The following SCGN variants were observed in gnomAD, a reference collection of about 807,000 sequenced individuals.
SCGN encodes secretagogin.
SCGN carries 30 observed loss-of-function variants against 39.7 expected under a neutral mutation model. That is an observed-to-expected ratio of 0.76 (90% CI 0.57 to 1.03). SCGN has a LOEUF of 1.03. SCGN is among the 50% of genes least tolerant of loss of function. The pLI is 0.00. For synonymous variants in SCGN, 106 were observed against 114.1 expected (o/e 0.93, Z 0.45); for missense variants, 353 against 349.4 (o/e 1.01, Z -0.08).
At chr6:25,653,098 A>C (rs1760162002) in intron 1 of SCGN, among the ~76,000 whole-genome samples, 1 of 152,288 alleles carries the variant, frequency 6.6e-6, no homozygotes, top group Non-Finnish European at 1.5e-5. Context: ...GTTAAATTTT[A>C]TTGGAAAGTT....
intron 10 of SCGN, among the ~76,000 whole-genome samples, chr6:25,692,043 C>A (rs947523380): frequency 6.6e-5 from 10 of 152,162 alleles, no homozygotes; most frequent in Non-Finnish European, 8.8e-5. Context: ...AGACATCGTC[C>A]GTGATTCCTT....
chr6:25,654,499 A>G (rs1170232670), intron 2 of SCGN, among the ~76,000 whole-genome samples: 1 of 151,584 alleles, frequency 6.6e-6, no homozygotes, highest in Non-Finnish European at 1.5e-5. Context: ...TCTGTGTTTC[A>G]TGGCTCTCAT....
chr6:25,694,046 A>G (rs1175844339), intron 10 of SCGN, among the ~76,000 whole-genome samples: 8 of 152,244 alleles, frequency 5.3e-5, no homozygotes, highest in African/African-American at 1.9e-4. Flanking sequence ...GTAATAAATT[A>G]TTACTAAAAA....
At chr6:25,684,338 G>C (rs878895000) in intron 7 of SCGN, among the ~76,000 whole-genome samples, 1 of 152,100 alleles carries the variant, frequency 6.6e-6, no homozygotes, top group Admixed American at 6.5e-5. Context: ...ATCCTCTGGG[G>C]ATTGGTTCCA....
At chr6:25,667,419 C>G (rs1358029317) in intron 4 of SCGN, among the ~76,000 whole-genome samples, 4 of 152,278 alleles carry the variant, frequency 2.6e-5, no homozygotes, top group South Asian at 2.1e-4. Flanking sequence ...CCATTACAGT[C>G]TACATATTTG....
chr6:25,690,954 C>T (rs943515870), intron 9 of SCGN, 102 bp from the exon 10 acceptor site: 37 of 784,162 alleles, frequency 4.7e-5, no homozygotes, highest in Admixed American at 9.5e-5. Context: ...AATCTATTTG[C>T]GGCCACACAA....
Position 25,688,384 on chromosome 6 carries a change from T to C in SCGN, c.528-788T>C, listed in dbSNP as rs145719876. Among the ~76,000 whole-genome samples, 316 of 152,350 alleles carry C rather than the reference T, an allele frequency of 2.1e-3. 1 individual carries two copies. The highest frequency in any genetic ancestry group is 3.3e-3 in the Non-Finnish European group (225 of 68,026). Reference sequence around the variant, plus strand: ...CTAGGTTAGTTCAATGGTCAGTTCATAATTGGACAGAGATTTTCTAAAATG... The same window carrying C: ...CTAGGTTAGTTCAATGGTCAGTTCACAATTGGACAGAGATTTTCTAAAATG... On this transcript the variant is annotated intron_variant, in intron 7 of 10. Coordinates refer to ENST00000377961, the MANE Select transcript of SCGN (RefSeq NM_006998.4).
At chr6:25,684,244 G>T (rs907122361) in intron 7 of SCGN, among the ~76,000 whole-genome samples, 2 of 152,138 alleles carry the variant, frequency 1.3e-5, no homozygotes, top group East Asian at 3.8e-4. Context: ...TCAATGAGTA[G>T]TTGTGAATTG....
At chr6:25,655,916 GGAT>G (rs1760219438) in intron 2 of SCGN, among the ~76,000 whole-genome samples, 1 of 152,148 alleles carries the variant, frequency 6.6e-6, no homozygotes, top group African/African-American at 2.4e-5. Context: ...TTTGGAGCCA[GGAT>G]GATAAGTTTG....
At position 25,689,182 on chromosome 6, in the gene SCGN, C is replaced by T. The variant is rs762745379; in HGVS notation, c.538C>T (p.Leu180Phe). ...TTTTTTTCTATTTAGGATTCTGGCT[C>T]TTCAGGAAAACTTCCTTCTCCAATT... ...DLNDLARILA[L>F]QENFLLQFKM... is the part of the protein sequence containing the mutation. The change falls in exon 8 of 11, where the codon CTT (leucine) becomes TTT (phenylalanine). Residue 180 changes from leucine (L) to phenylalanine (F), a missense_variant. Transcript: ENST00000377961. 1.4e-5 allele frequency: 22 copies of T among 1,590,056 alleles called. No individual in the cohort carries two copies. The South Asian group carries it at 2.0e-4, about 15-fold the overall frequency.
chr6:25,678,862 C>A, intron 6 of SCGN: 1 of 155,374 alleles, frequency 6.4e-6, no homozygotes. Context: ...GTCTTCTTTG[C>A]CTTCCCCTTG....
intron 1 of SCGN, among the ~76,000 whole-genome samples, chr6:25,653,126 TA>T (rs972033153): frequency 6.6e-6 from 1 of 152,212 alleles, no homozygotes; most frequent in Non-Finnish European, 1.5e-5. Context: ...ATTCATTGAT[TA>T]AAATTCATGT....
At chr6:25,700,002 T>C (rs1234441446) in intron 10 of SCGN, among the ~76,000 whole-genome samples, 1 of 152,044 alleles carries the variant, frequency 6.6e-6, no homozygotes, top group East Asian at 1.9e-4. Context: ...TCCTAGCACT[T>C]TGGGAGGCCA....
At position 25,669,543 on chromosome 6, in the gene SCGN, C is replaced by A; in HGVS notation, c.369C>A (p.Gly123=). 1 of 1,613,344 alleles carries A rather than the reference C, an allele frequency of 6.2e-7. No homozygotes were observed. The highest frequency in any genetic ancestry group is 8.5e-7 in the Non-Finnish European group (1 of 1,179,394). Residue 123 remains glycine, a synonymous_variant, in exon 5 of 11, where the codon GGC becomes GGA. Coordinates refer to ENST00000377961, the MANE Select transcript of SCGN (RefSeq NM_006998.4). ...GCAAATATGACGCTGACAGCAGTGG[C>A]TTTATATCAGCTGCTGAGCTCCGCG... ...IWRKYDADSS[G]FISAAELRNF...
chr6:25,689,794 C>A (rs1759753263), intron 9 of SCGN, among the ~76,000 whole-genome samples: 1 of 151,930 alleles, frequency 6.6e-6, no homozygotes, highest in African/African-American at 2.4e-5. Context: ...AAGTTTTCTC[C>A]CTCTTGTAGG....
At chr6:25,683,893 G>A (rs536769486) in intron 7 of SCGN, among the ~76,000 whole-genome samples, 1 of 152,310 alleles carries the variant, frequency 6.6e-6, no homozygotes, top group South Asian at 2.1e-4. Flanking sequence ...CAAACCTTGA[G>A]TTTTATGCAA....
rs1480236886 is a variant in SCGN, at chr6:25,669,518, G to A, written c.344G>A (p.Arg115His). 1 of 1,612,904 alleles carries A rather than the reference G, an allele frequency of 6.2e-7. No individual in the cohort carries two copies. The highest frequency in any genetic ancestry group is 1.1e-5 in the South Asian group (1 of 90,990). Residue 115 changes from arginine (R) to histidine (H), a missense_variant, in exon 5 of 11, where the codon CGC becomes CAC. Transcript: ENST00000377961. ...GACTTTTGTGTATTTCAGATTTGGC[G>A]CAAATATGACGCTGACAGCAGTGGC... Reference protein sequence around the residue: ...DSSVEFMQIWRKYDADSSGFI... With the variant: ...DSSVEFMQIWHKYDADSSGFI...
At chr6:25,675,973 T>C (rs1759558773) in intron 6 of SCGN, among the ~76,000 whole-genome samples, 1 of 152,228 alleles carries the variant, frequency 6.6e-6, no homozygotes, top group Non-Finnish European at 1.5e-5. Context: ...GCATGCCTAA[T>C]ATACACCTTC....
intron 6 of SCGN, among the ~76,000 whole-genome samples, chr6:25,671,643 G>A (rs991103745): frequency 6.6e-6 from 1 of 152,202 alleles, no homozygotes. Context: ...AGCACCAAAG[G>A]TCGAAGTGGG....
Sources: gnomAD v4.1 joint callset for allele counts (sites outside exome capture counted in the v4.1 genomes callset) on GRCh38, gnomAD v4.1.1 for gene constraint, MANE v1.5 for transcripts, NCBI Gene and HGNC (gene_info 2026-07-23, HGNC 2026-07-21) for gene names.